ZFYVE1: variants seen among roughly 807,000 people sequenced by gnomAD.
The protein encoded by ZFYVE1 is zinc finger FYVE-type containing 1.
Under a neutral mutation model 74.4 loss-of-function variants are expected in ZFYVE1, and 30 were observed. The observed-to-expected ratio is 0.40, with a 90% CI of 0.30 to 0.55. ZFYVE1 has a LOEUF of 0.55. Ranked by LOEUF, ZFYVE1 falls within the 20% of genes least tolerant of loss-of-function variation. The pLI is 0.42. For synonymous variants in ZFYVE1, 335 were observed against 385.1 expected (o/e 0.87, Z 1.52); for missense variants, 703 against 1,011.6 (o/e 0.69, Z 4.14).
chr14:73,021,057 G>T (rs768529113), intron 2 of ZFYVE1, among the ~76,000 whole-genome samples: 3 of 151,956 alleles, frequency 2.0e-5, no homozygotes, highest in Non-Finnish European at 4.4e-5. Context: ...TTTAAAAACT[G>T]AAGTTGGCTG....
intron 8 of ZFYVE1, among the ~76,000 whole-genome samples, 187 bp downstream of exon 8, chr14:72,977,740 T>C (rs944334637): frequency 2.8e-4 from 43 of 152,114 alleles, no homozygotes; most frequent in Non-Finnish European, 5.3e-4. Flanking sequence ...CTAATATATA[T>C]GCAAGAAAAA....
At chr14:72,988,929 C>CTTTTTTTTT (rs34464072) in intron 4 of ZFYVE1, among the ~76,000 whole-genome samples, 1 of 118,138 alleles carries the variant, frequency 8.5e-6, no homozygotes, top group Non-Finnish European at 1.7e-5. Context: ...GCAATTTCTT[C>CTTTTTTTTT]TTTTTTTTTT....
chr14:72,994,515 G>T (rs1326788764), intron 3 of ZFYVE1, among the ~76,000 whole-genome samples: 1 of 152,006 alleles, frequency 6.6e-6, no homozygotes, highest in Non-Finnish European at 1.5e-5. Flanking sequence ...CATTCAGGCA[G>T]TGAAAACTCA....
chr14:73,009,527 C>T (rs573356914), intron 2 of ZFYVE1, among the ~76,000 whole-genome samples: 2 of 152,276 alleles, frequency 1.3e-5, no homozygotes, highest in South Asian at 2.1e-4. Context: ...GAGGCCGAGG[C>T]GGGAGGATCA....
intron 8 of ZFYVE1, 117 bp downstream of exon 8, chr14:72,977,810 G>T (rs2286837): frequency 5.3e-6 from 6 of 1,122,608 alleles, no homozygotes; most frequent in South Asian, 4.8e-5. Context: ...TTTCTAAACC[G>T]CCAACATTCT....
rs1893228769 is a variant in ZFYVE1 at position 72,978,305 on chromosome 14, A to G, written c.1420-71T>C. On this transcript the variant is annotated intron_variant, in intron 6 of 11. Transcript: ENST00000556143. ...GTTTTTTTAATAGACACGGGGTTTT[A>G]CCAGCCCAGGCTGGTTGTGAACTCC... is the stretch of plus-strand genomic sequence containing the variant. 5.3e-6 allele frequency: 8 copies of G among 1,496,652 alleles called. No homozygotes were observed. In the South Asian group the frequency reaches 7.0e-5, roughly 13 times the overall value. The allele number at this position is 1,496,652 out of a possible 1,614,324, so 92.7% of individuals were successfully genotyped here. A position where few individuals can be genotyped will look rare whatever the true frequency, so the allele number is the denominator to read the frequency against.
At chr14:73,025,502 C>T (rs1305944846) in intron 1 of ZFYVE1, among the ~76,000 whole-genome samples, 2 of 151,554 alleles carry the variant, frequency 1.3e-5, no homozygotes, top group African/African-American at 4.8e-5. Flanking sequence ...TCGAGACTAC[C>T]CTGTCCAACA....
intron 2 of ZFYVE1, among the ~76,000 whole-genome samples, chr14:73,002,591 C>A (rs1290964963): frequency 6.6e-6 from 1 of 151,772 alleles, no homozygotes; most frequent in South Asian, 2.1e-4. Flanking sequence ...TACAGGCATG[C>A]GCTGTCATGC....
intron 4 of ZFYVE1, among the ~76,000 whole-genome samples, chr14:72,992,615 GCC>G (rs555003383): frequency 8.3e-5 from 9 of 109,036 alleles, no homozygotes; most frequent in African/African-American, 1.3e-4. Flanking sequence ...CCATTCAGGT[GCC>G]CCCCCCGCCC....
Position 73,020,496 on chromosome 14 carries a change from G to A in ZFYVE1, c.483+3530C>T, listed in dbSNP as rs527912247. Among the ~76,000 whole-genome samples, 188 of 152,166 alleles carry A rather than the reference G, an allele frequency of 1.2e-3. 1 individual carries two copies. Among genetic ancestry groups the A allele is most frequent in the Middle Eastern group, 3.4e-3 (1 of 294 alleles). ...GCCTCCTGAGTAGCTGGGATTACAG[G>A]TGCACACCACCACACCAGGCTAATT... On this transcript the variant is annotated intron_variant, in intron 2 of 11. Transcript: ENST00000556143.
intron 3 of ZFYVE1, among the ~76,000 whole-genome samples, chr14:72,995,005 T>C (rs1027761909): frequency 3.9e-5 from 6 of 152,254 alleles, no homozygotes; most frequent in Admixed American, 3.3e-4. Context: ...ATAGCACAGA[T>C]GGATTCAATA....
intron 2 of ZFYVE1, among the ~76,000 whole-genome samples, chr14:73,000,882 C>G (rs543882725): frequency 2.0e-5 from 3 of 152,192 alleles, no homozygotes; most frequent in Non-Finnish European, 4.4e-5. Context: ...TGAGTTACCA[C>G]GCAGCCATAA....
At chr14:72,979,096 G>T in intron 5 of ZFYVE1, 127 bp from the exon 6 acceptor site, 1 of 779,814 alleles carries the variant, frequency 1.3e-6, no homozygotes. Context: ...GGCCTCAGAT[G>T]CTGAACACAG....
intron 4 of ZFYVE1, among the ~76,000 whole-genome samples, chr14:72,989,010 AC>A (rs140355660): frequency 0.013 from 1,993 of 149,082 alleles, 47 homozygotes; most frequent in African/African-American, 0.045. Flanking sequence ...GCAAACTGCA[AC>A]CTCCACCTCC....
intron 2 of ZFYVE1, among the ~76,000 whole-genome samples, chr14:73,001,178 GT>G (rs753719695): frequency 1.3e-5 from 2 of 151,880 alleles, no homozygotes; most frequent in Non-Finnish European, 2.9e-5. Flanking sequence ...AGTATTGGTT[GT>G]TTTTTTCTTT....
Position 72,969,610 on chromosome 14 carries a change from A to G in ZFYVE1, c.*1272T>C. 1.5e-6 allele frequency: 1 copy of G among 678,730 alleles called. No homozygotes were observed. The highest frequency in any genetic ancestry group is 2.7e-5 in the East Asian group (1 of 37,110). The allele number at this position is 678,730 out of a possible 1,614,324, so 42.0% of individuals were successfully genotyped here. On this transcript the variant is annotated 3_prime_UTR_variant, in exon 12 of 12. Transcript: ENST00000556143. The stretch of plus-strand genomic sequence containing the variant: ...TAGGCGCACCAGGAATGACCGCCAT[A>G]TACTTCCCTAAAGCTCAACCCACCC...
intron 4 of ZFYVE1, among the ~76,000 whole-genome samples, chr14:72,983,833 A>G (rs1893407048): frequency 6.6e-6 from 1 of 152,168 alleles, no homozygotes; most frequent in Non-Finnish European, 1.5e-5. Flanking sequence ...CTATTTCTCC[A>G]CATCCTCTCC....
chr14:72,972,604 T>G lies in ZFYVE1; in HGVS notation c.2101+1476A>C, dbSNP rs377642701. 2.0e-5 allele frequency among the ~76,000 whole-genome samples: 3 copies of G among 152,192 alleles called. No homozygotes were observed. In the East Asian group the frequency reaches 5.8e-4, roughly 29 times the overall value. Reference sequence around the variant, plus strand: ...CACGCTGCCCCAGGCCTGGCCAGCCTTGCGTAAGCCTGCCAAGCACTGGTT... The same window carrying G: ...CACGCTGCCCCAGGCCTGGCCAGCCGTGCGTAAGCCTGCCAAGCACTGGTT... On this transcript the variant is annotated intron_variant, in intron 11 of 11. Transcript: ENST00000556143.
rs114645045 is a variant in ZFYVE1 at position 72,998,208 on chromosome 14, G to T, written c.591C>A (p.Leu197=). The change falls in exon 3 of 12, where the codon CTC becomes CTA. Residue 197 remains leucine, a synonymous_variant. Transcript: ENST00000556143. ...GNTGDGKSHT[L]NHTFFYGREV... ...CACGACCATAAAAGAAAGTGTGGTTGAGAGTATGAGACTTTCCATCACCAG... is the reference window on the plus strand; with the variant it reads ...CACGACCATAAAAGAAAGTGTGGTTTAGAGTATGAGACTTTCCATCACCAG... 398 of 1,613,724 alleles carry T rather than the reference G, an allele frequency of 2.5e-4. No homozygotes were observed. In the African/African-American group the frequency reaches 4.9e-3, roughly 20 times the overall value.
Sources: gnomAD v4.1 joint callset for allele counts (sites outside exome capture counted in the v4.1 genomes callset) on GRCh38, gnomAD v4.1.1 for gene constraint, MANE v1.5 for transcripts, NCBI Gene and HGNC (gene_info 2026-07-23, HGNC 2026-07-21) for gene names.